Variants in EXPH5 observed in about 807,000 individuals in gnomAD.
The protein encoded by EXPH5 is exophilin 5, also known as exophilin-5.
In EXPH5, 42 loss-of-function variants were observed where a neutral mutation model predicts 41.1. The ratio of observed to expected loss-of-function variants is 1.02; its 90% confidence interval spans 0.80 to 1.32. The LOEUF (loss-of-function observed/expected upper bound fraction) is 1.32, where lower values mean the gene tolerates loss of function less well. Among genes scored for constraint, EXPH5 ranks in the 40% most tolerant of loss-of-function variants. EXPH5 has a pLI of 0.00. For synonymous variants in EXPH5, 798 were observed against 833.5 expected (o/e 0.96, Z 0.73); for missense variants, 2,298 against 2,314.5 (o/e 0.99, Z 0.15).
At chr11:108,603,740 G>T in the EXPH5 span, among the ~76,000 whole-genome samples, 7 of 152,208 alleles carry the variant, frequency 4.6e-5, no homozygotes, top group African/African-American at 1.7e-4. Context: ...CAACCACTCT[G>T]TTCTGATGAA....
chr11:108,525,318 A>G (rs1027873740), intron 4 of EXPH5, among the ~76,000 whole-genome samples: 3 of 152,220 alleles, frequency 2.0e-5, no homozygotes, highest in Admixed American at 6.5e-5. Context: ...GAAGTGCCAC[A>G]TTGGAGGTGT....
intron 1 of EXPH5, among the ~76,000 whole-genome samples, chr11:108,578,002 T>C (rs757693263): frequency 9.2e-5 from 14 of 152,226 alleles, no homozygotes; most frequent in Admixed American, 1.3e-4. Flanking sequence ...CTCTTCATGA[T>C]GTTGATTGTT....
At chr11:108,526,429 A>G (rs992200369) in intron 4 of EXPH5, among the ~76,000 whole-genome samples, 4 of 152,146 alleles carry the variant, frequency 2.6e-5, no homozygotes, top group Admixed American at 2.6e-4. Context: ...AATTAGCTCC[A>G]CTTCTTTCAG....
chr11:108,605,359 TAGG>T, the EXPH5 span, among the ~76,000 whole-genome samples: 1 of 152,162 alleles, frequency 6.6e-6, no homozygotes, highest in Non-Finnish European at 1.5e-5. Flanking sequence ...AGGTCCAACA[TAGG>T]AGATGTGATT....
chr11:108,564,390 T>C (rs1323799857), intron 1 of EXPH5, among the ~76,000 whole-genome samples: 2 of 152,024 alleles, frequency 1.3e-5, no homozygotes, highest in African/African-American at 4.8e-5. Flanking sequence ...TATGTATGCC[T>C]GCATTTTCAA....
chr11:108,602,520 T>C, the EXPH5 span, among the ~76,000 whole-genome samples: 1 of 151,804 alleles, frequency 6.6e-6, no homozygotes, highest in Non-Finnish European at 1.5e-5. Context: ...TGTAACTCAC[T>C]GTCCACCTGG....
rs143221534 is a variant in EXPH5 at position 108,557,534 on chromosome 11, T to G, written c.120-15722A>C. On this transcript the variant is annotated intron_variant, in intron 1 of 5. Transcript: ENST00000265843. Reference sequence around the variant, plus strand: ...CTAATTATTTTGTAATTTTAGTGGATACGGGGTTTTGGCATCTTGGCCAGG... The same window carrying G: ...CTAATTATTTTGTAATTTTAGTGGAGACGGGGTTTTGGCATCTTGGCCAGG... 1.4e-3 allele frequency among the ~76,000 whole-genome samples: 211 copies of G among 152,204 alleles called. 1 individual carries two copies. Among genetic ancestry groups the G allele is most frequent in the African/African-American group, 4.6e-3 (193 of 41,520 alleles).
intron 1 of EXPH5, among the ~76,000 whole-genome samples, chr11:108,561,810 C>T (rs1361732227): frequency 2.0e-5 from 3 of 152,126 alleles, no homozygotes; most frequent in Non-Finnish European, 2.9e-5. Context: ...TGAAGAGAAG[C>T]CATCAGGCAC....
intron 3 of EXPH5, among the ~76,000 whole-genome samples, chr11:108,534,977 T>C (rs1337319883): frequency 2.0e-5 from 3 of 152,246 alleles, no homozygotes; most frequent in Non-Finnish European, 4.4e-5. Context: ...GCAGGGACTT[T>C]GCTTTCATTT....
chr11:108,513,310 T>C lies in EXPH5; in HGVS notation c.2197A>G (p.Thr733Ala), dbSNP rs1281767097. The change falls in exon 6 of 6, where the codon ACA (threonine) becomes GCA (alanine). Residue 733 changes from threonine (T) to alanine (A), a missense_variant. Thr to Ala is a moderately conservative substitution (Grantham distance 58). Coordinates refer to ENST00000265843, the MANE Select transcript of EXPH5 (RefSeq NM_015065.3). Reference protein sequence around the residue: ...AGEIPQPVSQTGISNSLPDFQ... With the variant: ...AGEIPQPVSQAGISNSLPDFQ... Reference sequence around the variant, plus strand: ...TCAGGTAAAGAGTTTGAGATCCCTGTCTGTGAAACAGGTTGGGGTATTTCA... The same window carrying C: ...TCAGGTAAAGAGTTTGAGATCCCTGCCTGTGAAACAGGTTGGGGTATTTCA... 4 of 1,613,264 alleles carry C rather than the reference T, an allele frequency of 2.5e-6. No homozygotes were observed. In the Admixed American group the frequency reaches 5.0e-5, roughly 20 times the overall value.
intron 4 of EXPH5, among the ~76,000 whole-genome samples, chr11:108,526,842 A>T (rs959219756): frequency 2.6e-5 from 4 of 152,212 alleles, no homozygotes; most frequent in African/African-American, 4.8e-5. Flanking sequence ...GGAGAATAAT[A>T]GTACCTCTTT....
chr11:108,529,891 TG>T (rs1040404179), intron 3 of EXPH5, among the ~76,000 whole-genome samples: 48 of 150,786 alleles, frequency 3.2e-4, no homozygotes, highest in African/African-American at 1.1e-3. Flanking sequence ...CTGAGAGCTC[TG>T]TATGAAATCA....
chr11:108,583,383 T>A (rs57404802), intron 1 of EXPH5, among the ~76,000 whole-genome samples: 2,840 of 148,740 alleles, frequency 0.019, 69 homozygotes, highest in African/African-American at 0.058. Flanking sequence ...AAAAAAAAAA[T>A]AAAAAAAAAA....
Position 108,512,736 on chromosome 11 carries a change from T to G in EXPH5, c.2771A>C (p.Lys924Thr), listed in dbSNP as rs1318205845. The G allele has an allele frequency of 2.5e-6, 4 of 1,613,738 alleles. No individual in the cohort carries two copies. The highest frequency in any genetic ancestry group is 3.3e-5 in the Admixed American group (2 of 59,970). ...KDPSLGEREE[K>T]DNAGKNQKNQ... The stretch of plus-strand genomic sequence containing the variant: ...CTTTTGGTTCTTCCCAGCATTGTCT[T>G]TTTCTTCTCTTTCTCCTAGCGATGG... The change falls in exon 6 of 6, where the codon AAA becomes ACA. Residue 924 changes from lysine (K) to threonine (T), a missense_variant. By Grantham distance (78) the Lys-to-Thr change is moderately conservative (BLOSUM62 -1). Coordinates refer to ENST00000265843, the MANE Select transcript of EXPH5 (RefSeq NM_015065.3).
intron 1 of EXPH5, among the ~76,000 whole-genome samples, chr11:108,544,706 A>G (rs2093929436): frequency 6.6e-6 from 1 of 152,200 alleles, no homozygotes; most frequent in Non-Finnish European, 1.5e-5. Context: ...AGTTGCTAAC[A>G]ATAATTATGT....
chr11:108,596,193 A>C (rs2094138728), upstream of EXPH5, among the ~76,000 whole-genome samples: 1 of 147,832 alleles, frequency 6.8e-6, no homozygotes, highest in South Asian at 2.1e-4. Context: ...AGACTCTGTC[A>C]AAAAAAAAAA....
At chr11:108,583,923 A>T (rs1163621441) in intron 1 of EXPH5, among the ~76,000 whole-genome samples, 2 of 152,118 alleles carry the variant, frequency 1.3e-5, no homozygotes, top group Non-Finnish European at 2.9e-5. Context: ...ACCCAGAAAA[A>T]TCTGCCCCCC....
chr11:108,573,283 A>G (rs1004810987), intron 1 of EXPH5, among the ~76,000 whole-genome samples: 1 of 152,198 alleles, frequency 6.6e-6, no homozygotes, highest in Admixed American at 6.5e-5. Flanking sequence ...GGAGTCTACC[A>G]CCCTACCAGG....
chr11:108,536,414 C>T (rs1260962515), intron 3 of EXPH5, among the ~76,000 whole-genome samples: 1 of 152,036 alleles, frequency 6.6e-6, no homozygotes, highest in East Asian at 1.9e-4. Context: ...TACAGGCTCG[C>T]ACCACCATGT....
Sources: gnomAD v4.1 joint callset for allele counts (sites outside exome capture counted in the v4.1 genomes callset) on GRCh38, gnomAD v4.1.1 for gene constraint, MANE v1.5 for transcripts, NCBI Gene and HGNC (gene_info 2026-07-23, HGNC 2026-07-21) for gene names.